The following CA10 variants were observed in gnomAD, a reference collection of about 807,000 sequenced individuals.
CA10 encodes the protein carbonic anhydrase-related protein 10.
Under a neutral mutation model 44.2 loss-of-function variants are expected in CA10, and 14 were observed. The observed-to-expected ratio is 0.32, with a 90% CI of 0.21 to 0.50. The LOEUF (loss-of-function observed/expected upper bound fraction) is 0.50, where lower values mean the gene tolerates loss of function less well. Ranked by LOEUF, CA10 falls within the 20% of genes least tolerant of loss-of-function variation. The pLI is 0.99. For missense variants in CA10, 350 were observed against 409.7 expected (o/e 0.85, Z 1.26); for synonymous variants, 159 against 141.6 (o/e 1.12, Z -0.87).
chr17:51,903,539 A>G lies in CA10; in HGVS notation c.279+27451T>C, dbSNP rs35773539. ...AACTGCAATCATATCCACAGTGTTCATAGTAAAACATTAGATCCCAACCTG... is the reference window on the plus strand; with the variant it reads ...AACTGCAATCATATCCACAGTGTTCGTAGTAAAACATTAGATCCCAACCTG... On this transcript the variant is annotated intron_variant, in intron 3 of 8. Coordinates refer to ENST00000451037, the MANE Select transcript of CA10 (RefSeq NM_020178.5). 1.2e-3 allele frequency among the ~76,000 whole-genome samples: 187 copies of G among 152,296 alleles called. 8 individuals are homozygous for G. The East Asian group carries it at 0.031, about 25-fold the overall frequency.
chr17:52,044,138 C>G (rs1042501432), intron 2 of CA10, among the ~76,000 whole-genome samples: 25 of 151,978 alleles, frequency 1.6e-4, no homozygotes, highest in African/African-American at 6.0e-4. Context: ...GGTATTAATT[C>G]GTCTTTAAAT....
chr17:51,982,473 C>T (rs1455624297), intron 2 of CA10, among the ~76,000 whole-genome samples: 1 of 151,934 alleles, frequency 6.6e-6, no homozygotes, highest in Non-Finnish European at 1.5e-5. Flanking sequence ...AATGCCCTGA[C>T]TCATTCCAAC....
chr17:52,153,671 A>T (rs1215958890), intron 1 of CA10, among the ~76,000 whole-genome samples: 2 of 152,170 alleles, frequency 1.3e-5, no homozygotes, highest in Non-Finnish European at 2.9e-5. Context: ...GCTCAATGTT[A>T]TAGATGTGCT....
chr17:51,737,210 C>T (rs1916941406), intron 4 of CA10, among the ~76,000 whole-genome samples: 1 of 152,120 alleles, frequency 6.6e-6, no homozygotes, highest in South Asian at 2.1e-4. Flanking sequence ...TTTAACCTCT[C>T]GAGGTTTCTG....
chr17:52,021,586 AAAAT>A, intron 2 of CA10, among the ~76,000 whole-genome samples: 1 of 152,060 alleles, frequency 6.6e-6, no homozygotes, highest in Non-Finnish European at 1.5e-5. Flanking sequence ...AGAACTGAAC[AAAAT>A]AAAGATCTAT....
chr17:51,719,730 T>TA (rs948568409), intron 4 of CA10, among the ~76,000 whole-genome samples: 104 of 151,430 alleles, frequency 6.9e-4, no homozygotes, highest in African/African-American at 2.4e-3. Context: ...TTACAAAAAG[T>TA]AAAAAAAAGT....
chr17:52,079,939 A>C (rs930434738), intron 1 of CA10, among the ~76,000 whole-genome samples: 6 of 152,188 alleles, frequency 3.9e-5, no homozygotes, highest in African/African-American at 1.4e-4. Context: ...CATACAAACT[A>C]GACAGGACAC....
At chr17:52,027,917 C>G (rs902840233) in intron 2 of CA10, among the ~76,000 whole-genome samples, 1 of 152,088 alleles carries the variant, frequency 6.6e-6, no homozygotes, top group Non-Finnish European at 1.5e-5. Flanking sequence ...TCCCTTGAAC[C>G]CTTGTGTCAA....
At chr17:51,784,201 C>T (rs1526181) in intron 3 of CA10, among the ~76,000 whole-genome samples, 112,865 of 152,028 alleles carry the variant, frequency 0.74, 42,181 homozygotes, top group East Asian at 0.85. Flanking sequence ...CTCAGAGGAG[C>T]TGGCTGGACC....
chr17:51,882,540 G>A (rs1041894295), intron 3 of CA10, among the ~76,000 whole-genome samples: 3 of 152,172 alleles, frequency 2.0e-5, no homozygotes, highest in African/African-American at 7.2e-5. Flanking sequence ...GGTATCACCT[G>A]ACTACATCGA....
At chr17:51,887,612 G>A (rs572204494) in intron 3 of CA10, among the ~76,000 whole-genome samples, 1 of 152,212 alleles carries the variant, frequency 6.6e-6, no homozygotes, top group East Asian at 1.9e-4. Context: ...TTCCACATCT[G>A]CACAATGCGA....
intron 3 of CA10, among the ~76,000 whole-genome samples, chr17:51,756,252 T>TA (rs1567829149): frequency 6.6e-6 from 1 of 152,164 alleles, no homozygotes; most frequent in African/African-American, 2.4e-5. Flanking sequence ...ATTTCACCCT[T>TA]ATGCTGCCCA....
intron 2 of CA10, among the ~76,000 whole-genome samples, chr17:52,042,294 G>A (rs1986792400): frequency 6.6e-6 from 1 of 151,906 alleles, no homozygotes; most frequent in African/African-American, 2.4e-5. Context: ...CATCCTAACA[G>A]GTATGAAGTG....
At chr17:52,052,287 G>C (rs1356585392) in intron 2 of CA10, among the ~76,000 whole-genome samples, 2 of 63,332 alleles carry the variant, frequency 3.2e-5, no homozygotes, top group African/African-American at 1.4e-4. Context: ...GAACTTAAAA[G>C]GCTTTTTTTT....
In CA10 at chr17:51,666,357, A is replaced by T. The variant is rs539828056; in HGVS notation, c.466-12621T>A. Reference sequence around the variant, plus strand: ...ATTCATGCTTGGAGACCCTGGTAAGAATATTGTCTATCCTCAGAACAGTGG... The same window carrying T: ...ATTCATGCTTGGAGACCCTGGTAAGTATATTGTCTATCCTCAGAACAGTGG... On this transcript the variant is annotated intron_variant, in intron 4 of 8. Coordinates refer to ENST00000451037, the MANE Select transcript of CA10 (RefSeq NM_020178.5). Among the ~76,000 whole-genome samples, 119 of 152,290 alleles carry T rather than the reference A, an allele frequency of 7.8e-4. 2 individuals carry two copies. In the South Asian group the frequency reaches 0.024, roughly 30 times the overall value.
intron 1 of CA10, among the ~76,000 whole-genome samples, chr17:52,137,654 C>T (rs1196382252): frequency 6.6e-6 from 1 of 152,078 alleles, no homozygotes; most frequent in Non-Finnish European, 1.5e-5. Context: ...GCTCCAGAAG[C>T]TATAATATCT....
rs566563265 is a variant in CA10 at position 51,927,358 on chromosome 17, C to T, written c.279+3632G>A. 7.9e-5 allele frequency among the ~76,000 whole-genome samples: 12 copies of T among 152,150 alleles called. No individual in the cohort carries two copies. In the South Asian group the frequency reaches 2.1e-3, roughly 26 times the overall value. ...TGAGTTTTGGTTAAAATGATAGAAT[C>T]GGCAAGTGGGTTTTAGTCTCAGTTT... is the stretch of plus-strand genomic sequence containing the variant. On this transcript the variant is annotated intron_variant, in intron 3 of 8. Transcript: ENST00000451037.
intron 3 of CA10, among the ~76,000 whole-genome samples, chr17:51,763,812 A>C (rs928830102): frequency 2.0e-5 from 3 of 152,100 alleles, no homozygotes; most frequent in African/African-American, 7.2e-5. Flanking sequence ...ACACTCATTC[A>C]ACAATTTAAA....
At chr17:51,642,224 T>C (rs1913119226) in intron 6 of CA10, among the ~76,000 whole-genome samples, 1 of 152,206 alleles carries the variant, frequency 6.6e-6, no homozygotes, top group Non-Finnish European at 1.5e-5. Context: ...TGCTGCGTTT[T>C]GCATTCTGTG....
Sources: allele counts gnomAD v4.1 joint callset (sites outside exome capture counted in the v4.1 genomes callset), GRCh38; gene constraint gnomAD v4.1.1; transcripts MANE v1.5; gene names NCBI Gene and HGNC (gene_info 2026-07-23, HGNC 2026-07-21).